KRT32: variants seen among roughly 807,000 people sequenced by gnomAD.
The protein encoded by KRT32 is keratin, type I cuticular Ha2.
In KRT32, 44 loss-of-function variants were observed where a neutral mutation model predicts 41.8. The ratio of observed to expected loss-of-function variants is 1.05; its 90% confidence interval spans 0.83 to 1.35. The LOEUF (loss-of-function observed/expected upper bound fraction) is 1.35, where lower values mean the gene tolerates loss of function less well. Among genes scored for constraint, KRT32 ranks in the 40% most tolerant of loss-of-function variants. KRT32 has a pLI of 0.00. For synonymous variants in KRT32, 238 were observed against 242.5 expected, an observed-to-expected ratio of 0.98 and a Z score of 0.17; for missense variants, 576 against 584.6, an observed-to-expected ratio of 0.99 and a Z score of 0.15.
rs1007890973 is a variant in KRT32 at position 41,464,111 on chromosome 17, C to T, written c.963G>A (p.Thr321=). ...DIIDLRRTVN[T]LEIELQAQHS... is the part of the protein sequence containing the mutation. Reference sequence around the variant, plus strand: ...GCTGGGCCTGCAGCTCGATCTCCAGCGTGTTGACCGTGCGTCTCAGGTCAA... The same window carrying T: ...GCTGGGCCTGCAGCTCGATCTCCAGTGTGTTGACCGTGCGTCTCAGGTCAA... The change falls in exon 5 of 7, where the codon ACG becomes ACA. Residue 321 remains threonine, a synonymous_variant. Transcript: ENST00000225899. 10 of 1,610,124 alleles carry T rather than the reference C, an allele frequency of 6.2e-6. No individual in the cohort carries two copies. The highest frequency in any genetic ancestry group is 5.0e-5 in the Admixed American group (3 of 59,670).
At chr17:41,460,877 T>C (rs2018995541) in intron 6 of KRT32, among the ~76,000 whole-genome samples, 1 of 151,958 alleles carries the variant, frequency 6.6e-6, no homozygotes, top group Non-Finnish European at 1.5e-5. Context: ...TAAAATAAAA[T>C]AAAGAAAAGC....
At position 41,462,824 on chromosome 17, in the gene KRT32, G is replaced by T. The variant is rs1242424004; in HGVS notation, c.1217+6C>A. 3.1e-6 allele frequency: 5 copies of T among 1,612,620 alleles called. No individual in the cohort carries two copies. The African/African-American group carries it at 6.7e-5, about 22-fold the overall frequency. ...GTCTCTCTAAGCCTCAGCTGGGCCT[G>T]CGTACTTGCAGTCCTCGTTCTCCAG... On this transcript the variant is annotated splice_donor_region_variant and intron_variant, in intron 6 of 6. Transcript: ENST00000225899.
Position 41,462,987 on chromosome 17 carries a change from T to A in KRT32, c.1060A>T (p.Met354Leu). 1 of 1,614,058 alleles carries A rather than the reference T, an allele frequency of 6.2e-7. No homozygotes were observed. The highest frequency in any genetic ancestry group is 8.5e-7 in the Non-Finnish European group (1 of 1,179,916). Residue 354 changes from methionine (M) to leucine (L), a missense_variant, in exon 6 of 7, where the codon ATG becomes TTG. Coordinates refer to ENST00000225899, the MANE Select transcript of KRT32 (RefSeq NM_002278.3). The part of the protein sequence containing the change: ...EARYSSQLAQ[M>L]QCMITNVEAQ... ...TCAACGTTGGTGATCATGCACTGCA[T>A]CTGGGCCAGCTGGGAGCTGTAGCGG...
At position 41,460,005 on chromosome 17, in the gene KRT32, C is replaced by T. The variant is rs1460165544; in HGVS notation, c.*105G>A. ...GTTGCAGGTGATCCACGGTCCTGCT[C>T]AGGGTCTTCCTTGCTGACCGGGGCT... On this transcript the variant is annotated 3_prime_UTR_variant, in exon 7 of 7. Transcript: ENST00000225899. 3 of 1,264,582 alleles carry T rather than the reference C, an allele frequency of 2.4e-6. No homozygotes were observed. In the African/African-American group the frequency reaches 4.6e-5, roughly 19 times the overall value. The allele number at this position is 1,264,582 out of a possible 1,614,324, so 78.3% of individuals were successfully genotyped here. A position where few individuals can be genotyped will look rare whatever the true frequency, so the allele number is the denominator to read the frequency against.
intron 6 of KRT32, among the ~76,000 whole-genome samples, chr17:41,461,001 G>A (rs1486014026): frequency 3.9e-5 from 6 of 152,164 alleles, no homozygotes; most frequent in Non-Finnish European, 8.8e-5. Flanking sequence ...AGCTCCTGCA[G>A]GGACTGTACT....
At position 41,466,927 on chromosome 17, in the gene KRT32, G is replaced by C. The variant is rs1299366512; in HGVS notation, c.399C>G (p.His133Gln). Reference protein sequence around the residue: ...ELESRIQEASHSQVLTMTPDY... With the variant: ...ELESRIQEASQSQVLTMTPDY... ...CAGGAGTCATGGTGAGCACCTGGGA[G>C]TGAGAGGCCTCTTGGATCCTGCTCT... Residue 133 changes from histidine (H) to glutamine (Q), a missense_variant, in exon 1 of 7, where the codon CAC becomes CAG. His to Gln is a conservative substitution (Grantham distance 24). Coordinates refer to ENST00000225899, the MANE Select transcript of KRT32 (RefSeq NM_002278.3). The C allele has an allele frequency of 6.2e-7, 1 of 1,614,130 alleles. No homozygotes were observed. Among genetic ancestry groups the C allele is most frequent in the Non-Finnish European group, 8.5e-7 (1 of 1,180,058 alleles).
intron 3 of KRT32, among the ~76,000 whole-genome samples, 173 bp downstream of exon 3, chr17:41,465,600 G>A (rs1262562700): frequency 6.6e-6 from 1 of 152,172 alleles, no homozygotes; most frequent in East Asian, 1.9e-4. Context: ...GCGTGATCAT[G>A]TTGTCCCCAT....
chr17:41,466,314 C>T (rs1366314938), intron 1 of KRT32, 138 bp from the exon 2 acceptor site: 3 of 617,524 alleles, frequency 4.9e-6, no homozygotes, highest in Non-Finnish European at 8.4e-6. Context: ...TTCCCTGGAA[C>T]TCTGGGAGAT....
intron 6 of KRT32, 44 bp downstream of exon 6, chr17:41,462,786 A>C (rs2019015650): frequency 6.2e-7 from 1 of 1,603,742 alleles, no homozygotes; most frequent in African/African-American, 1.3e-5. Flanking sequence ...AACCTCCCAG[A>C]ATCCCTGCCC....
chr17:41,460,126 G>C lies in KRT32; in HGVS notation c.1331C>G (p.Pro444Arg), dbSNP rs762567226. ...AAAGGGACTTCAGTAGCGGCCCTGGGGGCAGGGTGAGCAAGGCATGCCAAC... is the reference window on the plus strand; with the variant it reads ...AAAGGGACTTCAGTAGCGGCCCTGGCGGCAGGGTGAGCAAGGCATGCCAAC... Reference protein sequence around the residue: ...RTVGMPCSPCPQGRY With the variant: ...RTVGMPCSPCRQGRY Residue 444 changes from proline (P) to arginine (R), a missense_variant, in exon 7 of 7, where the codon CCC becomes CGC. Transcript: ENST00000225899. 5.0e-6 allele frequency: 8 copies of C among 1,611,194 alleles called. No homozygotes were observed. Among genetic ancestry groups the C allele is most frequent in the Middle Eastern group, 1.7e-4 (1 of 5,760 alleles).
At chr17:41,465,271 T>TA (rs1567701860) in intron 3 of KRT32, among the ~76,000 whole-genome samples, 1 of 152,118 alleles carries the variant, frequency 6.6e-6, no homozygotes, top group Non-Finnish European at 1.5e-5. Context: ...AGGAGACCAC[T>TA]GCAGCTGTAC....
intron 3 of KRT32, among the ~76,000 whole-genome samples, chr17:41,465,001 A>C (rs1221599380): frequency 6.6e-6 from 1 of 152,134 alleles, no homozygotes; most frequent in Non-Finnish European, 1.5e-5. Flanking sequence ...GTTACTTTAC[A>C]CTTAAGCCTG....
Position 41,463,052 on chromosome 17 carries a change from TA to T in KRT32, c.997-3del. 1 of 1,609,516 alleles carries T rather than the reference TA, an allele frequency of 6.2e-7. No homozygotes were observed. The highest frequency in any genetic ancestry group is 8.5e-7 in the Non-Finnish European group (1 of 1,176,632). ...CAGCGTGTTTTCCAGGGAGTCCCTC[TA>T]AGGCAAAGGAAGACATAACCATGAG... On this transcript the variant is annotated splice_polypyrimidine_tract_variant and splice_region_variant and intron_variant, in intron 5 of 6. Transcript: ENST00000225899.
In KRT32 at chr17:41,466,501, C is replaced by T. The variant is rs150673130; in HGVS notation, c.469-325G>A. ...TCTTTGACATTTACTGAAAACTTAC[C>T]GTGGACCAGGGGCTGTTCCAAGCAC... is the stretch of plus-strand genomic sequence containing the variant. On this transcript the variant is annotated intron_variant, in intron 1 of 6. Coordinates refer to ENST00000225899, the MANE Select transcript of KRT32 (RefSeq NM_002278.3). Among the ~76,000 whole-genome samples the T allele has an allele frequency of 2.6e-3, 394 of 152,320 alleles. 8 individuals are homozygous for T. Among genetic ancestry groups the T allele is most frequent in the Admixed American group, 0.023 (349 of 15,306 alleles).
chr17:41,462,816 C>G lies in KRT32; in HGVS notation c.1217+14G>C, dbSNP rs140623475. On this transcript the variant is annotated intron_variant, in intron 6 of 6. Coordinates refer to ENST00000225899, the MANE Select transcript of KRT32 (RefSeq NM_002278.3). The stretch of plus-strand genomic sequence containing the variant: ...CTGCCCACGTCTCTCTAAGCCTCAG[C>G]TGGGCCTGCGTACTTGCAGTCCTCG... The G allele has an allele frequency of 1.9e-6, 3 of 1,612,446 alleles. No homozygotes were observed. In the East Asian group the frequency reaches 6.7e-5, roughly 36 times the overall value.
chr17:41,463,342 C>T (rs1216460864), intron 5 of KRT32, among the ~76,000 whole-genome samples: 1 of 152,228 alleles, frequency 6.6e-6, no homozygotes, highest in East Asian at 1.9e-4. Flanking sequence ...TACCTCCCTG[C>T]CGGCATCATT....
At position 41,467,164 on chromosome 17, in the gene KRT32, G is replaced by A. The variant is rs1416439108; in HGVS notation, c.162C>T (p.Thr54=). 1 of 1,614,104 alleles carries A rather than the reference G, an allele frequency of 6.2e-7. No homozygotes were observed. The highest frequency in any genetic ancestry group is 8.5e-7 in the Non-Finnish European group (1 of 1,180,044). ...AGAGGCAGCTGGCTGGCCGGAAGGT[G>A]GTGGGCAGGCAGACCGAAGGCAGGC... ...MACLPSVCLP[T]TFRPASCLSK... is the part of the protein sequence containing the mutation. The change falls in exon 1 of 7, where the codon ACC becomes ACT. Residue 54 remains threonine, a synonymous_variant. Transcript: ENST00000225899.
In KRT32 at chr17:41,465,863, C is replaced by T. The variant is rs769718581; in HGVS notation, c.618G>A (p.Leu206=). Reference sequence around the variant, plus strand: ...CAGCCTTGCACAGAGTGAGATCATCCAGGATCCTGCGCAGGCCATTGATGT... The same window carrying T: ...CAGCCTTGCACAGAGTGAGATCATCTAGGATCCTGCGCAGGCCATTGATGT... ...EADINGLRRI[L]DDLTLCKADL... Residue 206 remains leucine, a synonymous_variant, in exon 3 of 7, where the codon CTG becomes CTA. Coordinates refer to ENST00000225899, the MANE Select transcript of KRT32 (RefSeq NM_002278.3). 1.9e-6 allele frequency: 3 copies of T among 1,613,968 alleles called. No homozygotes were observed. Among genetic ancestry groups the T allele is most frequent in the Middle Eastern group, 1.6e-4 (1 of 6,082 alleles).
chr17:41,466,469 A>AGAAG (rs1447399488), intron 1 of KRT32, among the ~76,000 whole-genome samples: 2 of 152,376 alleles, frequency 1.3e-5, no homozygotes, highest in Non-Finnish European at 2.9e-5. Flanking sequence ...TGTGACAGTT[A>AGAAG]GAAGGGTCTT....
Sources: allele counts gnomAD v4.1 joint callset (sites outside exome capture counted in the v4.1 genomes callset), GRCh38; gene constraint gnomAD v4.1.1; transcripts MANE v1.5; gene names NCBI Gene and HGNC (gene_info 2026-07-23, HGNC 2026-07-21).